Variants in NALCN observed in about 807,000 individuals in gnomAD.
NALCN encodes the protein sodium leak channel, non-selective.
A neutral mutation model predicts 225.3 loss-of-function variants in NALCN; 111 were observed. That is an observed-to-expected ratio of 0.49 (90% confidence interval 0.42 to 0.58). The LOEUF (loss-of-function observed/expected upper bound fraction) is 0.58, where lower values mean the gene tolerates loss of function less well. Among genes scored for constraint, NALCN ranks in the 20% least tolerant of loss-of-function variants. The pLI, the probability that NALCN is intolerant of heterozygous loss-of-function variation, is 0.00. For missense variants in NALCN, 1,378 were observed against 2,202.4 expected, an observed-to-expected ratio of 0.63 and a Z score of 7.49; for synonymous variants, 764 against 769.0, an observed-to-expected ratio of 0.99 and a Z score of 0.11.
intron 9 of NALCN, among the ~76,000 whole-genome samples, chr13:101,289,595 T>C (rs1281091777): frequency 1.3e-5 from 2 of 151,124 alleles, no homozygotes; most frequent in African/African-American, 4.9e-5. Flanking sequence ...GTCTGCAGAC[T>C]TAGACATCAA....
At chr13:101,060,451 T>TG (rs2031810551) in intron 41 of NALCN, among the ~76,000 whole-genome samples, 1 of 34,978 alleles carries the variant, frequency 2.9e-5, no homozygotes. Context: ...GCTAATTAAT[T>TG]TTTTTTTTTT....
chr13:101,105,332 T>C (rs151056429), intron 22 of NALCN, among the ~76,000 whole-genome samples: 8 of 152,338 alleles, frequency 5.3e-5, no homozygotes, highest in Admixed American at 5.2e-4. Flanking sequence ...ATTATTTAAT[T>C]AAATACTCCA....
Position 101,082,889 on chromosome 13 carries a change from A to G in NALCN, c.3691-6T>C. On this transcript the variant is annotated splice_polypyrimidine_tract_variant and splice_region_variant and intron_variant, in intron 32 of 43. Transcript: ENST00000251127. ...ACCGGGTCCTCGACGTCCCACTGCA[A>G]CAGAAACAGCACACGAGTCGTTGCC... 6.2e-7 allele frequency: 1 copy of G among 1,614,172 alleles called. No homozygotes were observed. Among genetic ancestry groups the G allele is most frequent in the Non-Finnish European group, 8.5e-7 (1 of 1,180,006 alleles).
chr13:101,289,549 T>TATATATATATATATAC (rs1491392183), intron 9 of NALCN, among the ~76,000 whole-genome samples: 24 of 81,156 alleles, frequency 3.0e-4, no homozygotes, highest in African/African-American at 7.3e-4. Flanking sequence ...TATATATATA[T>TATATATATATATATAC]ACACATATTT....
At chr13:101,081,032 G>A (rs1451357457) in intron 34 of NALCN, among the ~76,000 whole-genome samples, 1 of 152,078 alleles carries the variant, frequency 6.6e-6, no homozygotes, top group Non-Finnish European at 1.5e-5. Context: ...AGAAGTGGAG[G>A]CTAAATGTCT....
At chr13:101,409,885 C>A (rs902503740) in intron 1 of NALCN, among the ~76,000 whole-genome samples, 5 of 152,154 alleles carry the variant, frequency 3.3e-5, no homozygotes, top group African/African-American at 1.2e-4. Context: ...AATGGTTCTG[C>A]CTTCCTCAAG....
intron 39 of NALCN, among the ~76,000 whole-genome samples, chr13:101,067,712 T>A (rs2032539041): frequency 6.6e-6 from 1 of 152,188 alleles, no homozygotes; most frequent in Non-Finnish European, 1.5e-5. Flanking sequence ...AAGAAGAGGA[T>A]GTTCATGGTT....
At chr13:101,286,632 C>A (rs749999486) in intron 9 of NALCN, among the ~76,000 whole-genome samples, 2 of 152,068 alleles carry the variant, frequency 1.3e-5, no homozygotes, top group African/African-American at 2.4e-5. Context: ...TTATTTTGGG[C>A]TTTTTTGTCC....
intron 37 of NALCN, among the ~76,000 whole-genome samples, chr13:101,072,597 A>G (rs994909908): frequency 2.0e-5 from 3 of 152,012 alleles, no homozygotes; most frequent in African/African-American, 7.2e-5. Context: ...TGATTTGGCA[A>G]ATTCTCCTTG....
chr13:101,254,156 A>G (rs570473123), intron 11 of NALCN, among the ~76,000 whole-genome samples: 7 of 151,872 alleles, frequency 4.6e-5, no homozygotes, highest in African/African-American at 1.7e-4. Context: ...GTCAAGATGG[A>G]TGGATCGCTC....
chr13:101,148,841 G>A (rs954255938), intron 15 of NALCN, among the ~76,000 whole-genome samples: 1 of 152,228 alleles, frequency 6.6e-6, no homozygotes, highest in Non-Finnish European at 1.5e-5. Flanking sequence ...AGAGAGATAA[G>A]CATAAAATAT....
At chr13:101,196,749 C>T (rs1206088099) in intron 13 of NALCN, among the ~76,000 whole-genome samples, 1 of 152,042 alleles carries the variant, frequency 6.6e-6, no homozygotes, top group African/African-American at 2.4e-5. Context: ...CAGAACTAAT[C>T]AGTCCTAAGT....
intron 11 of NALCN, among the ~76,000 whole-genome samples, chr13:101,248,700 A>G (rs1052822625): frequency 3.3e-5 from 5 of 152,218 alleles, no homozygotes; most frequent in African/African-American, 1.2e-4. Context: ...CTCCATGAAA[A>G]GAGGAAACAG....
intron 12 of NALCN, among the ~76,000 whole-genome samples, chr13:101,231,036 T>C (rs1001814344): frequency 6.6e-6 from 1 of 152,188 alleles, no homozygotes; most frequent in African/African-American, 2.4e-5. Context: ...TACAGGTTTG[T>C]AGCCTAGGAG....
At position 101,068,121 on chromosome 13, in the gene NALCN, G is replaced by T. The variant is rs2032571653; in HGVS notation, c.4331-88C>A. ...AGTAAAACATCTATTATTAATAATGGATTCTATCACCTATATCATAAGCCA... is the reference window on the plus strand; with the variant it reads ...AGTAAAACATCTATTATTAATAATGTATTCTATCACCTATATCATAAGCCA... On this transcript the variant is annotated intron_variant, in intron 38 of 43. Transcript: ENST00000251127. 6 of 822,036 alleles carry T rather than the reference G, an allele frequency of 7.3e-6. No individual in the cohort carries two copies. In the East Asian group the frequency reaches 1.6e-4, roughly 22 times the overall value. 50.9% of individuals were successfully genotyped at this position (822,036 alleles called of 1,614,324 possible).
chr13:101,117,347 A>G (rs1378251888), intron 18 of NALCN, among the ~76,000 whole-genome samples: 2 of 152,242 alleles, frequency 1.3e-5, no homozygotes, highest in African/African-American at 4.8e-5. Context: ...ACCCCGCATC[A>G]TTCACTGGGC....
At chr13:101,215,466 T>C (rs2040693225) in intron 13 of NALCN, among the ~76,000 whole-genome samples, 5 of 152,100 alleles carry the variant, frequency 3.3e-5, no homozygotes, top group Admixed American at 2.6e-4. Flanking sequence ...GGGCATGGTG[T>C]AATATAACTG....
chr13:101,276,435 A>G (rs986543523), intron 10 of NALCN, among the ~76,000 whole-genome samples: 1 of 152,186 alleles, frequency 6.6e-6, no homozygotes, highest in African/African-American at 2.4e-5. Context: ...TAACTTACCA[A>G]GCTAACAATA....
chr13:101,245,480 C>T (rs1388535161), intron 11 of NALCN, among the ~76,000 whole-genome samples: 1 of 152,050 alleles, frequency 6.6e-6, no homozygotes, highest in Non-Finnish European at 1.5e-5. Context: ...TTTGATACCT[C>T]TACCATATTA....
Sources: gnomAD v4.1 joint callset for allele counts (sites outside exome capture counted in the v4.1 genomes callset) on GRCh38, gnomAD v4.1.1 for gene constraint, MANE v1.5 for transcripts, NCBI Gene and HGNC (gene_info 2026-07-23, HGNC 2026-07-21) for gene names.